NOL4L: variants seen among roughly 807,000 people sequenced by gnomAD.
NOL4L encodes the protein nucleolar protein 4 like.
NOL4L carries 7 observed loss-of-function variants against 64.5 expected under a neutral mutation model. That is an observed-to-expected ratio of 0.11 (90% CI 0.06 to 0.20). NOL4L has a LOEUF of 0.20. Among genes scored for constraint, NOL4L ranks in the 10% least tolerant of loss-of-function variants. The pLI is 1.00. For synonymous variants in NOL4L, 413 were observed against 401.0 expected (o/e 1.03, Z -0.36); for missense variants, 680 against 967.1 (o/e 0.70, Z 3.94).
intron 1 of NOL4L, among the ~76,000 whole-genome samples, chr20:32,566,282 CA>C (rs554559878): frequency 1.1e-4 from 17 of 152,234 alleles, no homozygotes; most frequent in African/African-American, 3.9e-4. Context: ...AATCCAGGGC[CA>C]TCTGCGAATC....
chr20:32,476,748 G>A (rs1437020522), intron 4 of NOL4L, among the ~76,000 whole-genome samples: 1 of 152,220 alleles, frequency 6.6e-6, no homozygotes, highest in Admixed American at 6.5e-5. Flanking sequence ...CGAGGGAGAT[G>A]GACAATGAGC....
At chr20:32,488,466 T>C (rs1303761666) in intron 4 of NOL4L, among the ~76,000 whole-genome samples, 2 of 152,364 alleles carry the variant, frequency 1.3e-5, no homozygotes, top group Admixed American at 1.3e-4. Flanking sequence ...ATCATCAGGA[T>C]TGTACATTTC....
At chr20:32,536,560 G>GGC (rs571806191) in intron 1 of NOL4L, among the ~76,000 whole-genome samples, 2 of 146,612 alleles carry the variant, frequency 1.4e-5, no homozygotes, top group Non-Finnish European at 1.5e-5. Context: ...GGGGCGGGAA[G>GGC]GCGCGCGCGC....
chr20:32,448,133 G>A (rs3746612), intron 10 of NOL4L, among the ~76,000 whole-genome samples: 1 of 151,976 alleles, frequency 6.6e-6, no homozygotes, highest in East Asian at 1.9e-4. Flanking sequence ...TTGGGAATGG[G>A]AAATACTACT....
At chr20:32,538,273 T>C (rs1167273123) in intron 1 of NOL4L, among the ~76,000 whole-genome samples, 1 of 152,156 alleles carries the variant, frequency 6.6e-6, no homozygotes, top group Non-Finnish European at 1.5e-5. Flanking sequence ...CCCTCAGGCC[T>C]GGCTGTGTCC....
chr20:32,568,193 T>TGTCTGTGTCATGTAGCACACCAC (rs1350381684), intron 1 of NOL4L, among the ~76,000 whole-genome samples: 4 of 151,778 alleles, frequency 2.6e-5, no homozygotes, highest in Non-Finnish European at 5.9e-5. Context: ...ACCACCACCA[T>TGTCTGTGTCATGTAGCACACCAC]AACTGTGTCA....
intron 5 of NOL4L, among the ~76,000 whole-genome samples, chr20:32,473,427 G>A (rs927456845): frequency 3.9e-5 from 6 of 152,190 alleles, no homozygotes; most frequent in Admixed American, 2.0e-4. Context: ...CTGGCAGCAC[G>A]AGGGGGTCGC....
chr20:32,454,559 C>G (rs978645605), intron 6 of NOL4L, among the ~76,000 whole-genome samples: 1 of 152,236 alleles, frequency 6.6e-6, no homozygotes, highest in African/African-American at 2.4e-5. Flanking sequence ...CCCCCATGCC[C>G]CTCCATCTTC....
At chr20:32,483,951 A>T (rs1014407236) in intron 4 of NOL4L, among the ~76,000 whole-genome samples, 2 of 150,006 alleles carry the variant, frequency 1.3e-5, no homozygotes, top group Non-Finnish European at 3.0e-5. Context: ...TTCGAGGAAG[A>T]TCCTTGCACG....
At chr20:32,556,938 C>G (rs1025093632) in intron 1 of NOL4L, among the ~76,000 whole-genome samples, 33 of 152,234 alleles carry the variant, frequency 2.2e-4, no homozygotes, top group Non-Finnish European at 1.2e-4. Context: ...TGATATTGAT[C>G]GAGCTCCTGA....
At chr20:32,449,704 T>A (rs1277685059) in intron 10 of NOL4L, 1 of 152,338 alleles carries the variant, frequency 6.6e-6, no homozygotes, top group Non-Finnish European at 1.5e-5. Flanking sequence ...CAGGGTGTTG[T>A]CACAATGCGG....
At chr20:32,461,492 G>A (rs1325654131) in intron 5 of NOL4L, among the ~76,000 whole-genome samples, 3 of 143,336 alleles carry the variant, frequency 2.1e-5, no homozygotes, top group South Asian at 2.2e-4. Flanking sequence ...GCGTGATCTC[G>A]GCTCACTGCA....
chr20:32,517,188 GC>G (rs1225461635), intron 3 of NOL4L, among the ~76,000 whole-genome samples: 7 of 152,192 alleles, frequency 4.6e-5, no homozygotes, highest in African/African-American at 1.7e-4. Context: ...AGCAAAGGAG[GC>G]CACTCTACTT....
intron 2 of NOL4L, among the ~76,000 whole-genome samples, chr20:32,527,327 G>T (rs943687395): frequency 6.6e-6 from 1 of 152,134 alleles, no homozygotes; most frequent in Non-Finnish European, 1.5e-5. Flanking sequence ...TCACACATAG[G>T]AAGAGCTCAG....
At chr20:32,518,002 T>C (rs1485849035) in intron 3 of NOL4L, among the ~76,000 whole-genome samples, 1 of 152,198 alleles carries the variant, frequency 6.6e-6, no homozygotes, top group East Asian at 1.9e-4. Flanking sequence ...TCTTTGTAAC[T>C]GTCATGATCA....
At chr20:32,494,253 G>GGAA (rs2016583470) in intron 4 of NOL4L, among the ~76,000 whole-genome samples, 68 of 22,058 alleles carry the variant, frequency 3.1e-3, no homozygotes, top group Non-Finnish European at 4.1e-3. Flanking sequence ...ATAATCTCGG[G>GGAA]AAAAAAAAAA....
intron 4 of NOL4L, among the ~76,000 whole-genome samples, chr20:32,488,091 G>C (rs2016170913): frequency 6.6e-6 from 1 of 151,996 alleles, no homozygotes; most frequent in Non-Finnish European, 1.5e-5. Flanking sequence ...CACCATGCCT[G>C]GCTAATTTTT....
At chr20:32,556,802 G>A (rs1391826243) in intron 1 of NOL4L, among the ~76,000 whole-genome samples, 2 of 152,182 alleles carry the variant, frequency 1.3e-5, no homozygotes, top group East Asian at 1.9e-4. Context: ...CACGTGACCT[G>A]CCCAAGGCCA....
At chr20:32,575,339 G>GA (rs1356656188) in intron 1 of NOL4L, among the ~76,000 whole-genome samples, 1 of 152,084 alleles carries the variant, frequency 6.6e-6, no homozygotes, top group Admixed American at 6.5e-5. Flanking sequence ...GCTTCTCTAA[G>GA]AAAATTGGCC....
Sources: allele counts gnomAD v4.1 joint callset (sites outside exome capture counted in the v4.1 genomes callset), GRCh38; gene constraint gnomAD v4.1.1; transcripts MANE v1.5; gene names NCBI Gene and HGNC (gene_info 2026-07-23, HGNC 2026-07-21).